Variants in PDE11A observed in about 807,000 individuals in gnomAD.
PDE11A encodes the protein dual 3',5'-cyclic-AMP and -GMP phosphodiesterase 11A.
PDE11A carries 100 observed loss-of-function variants against 100.5 expected under a neutral mutation model. The observed-to-expected ratio is 1.00, with a 90% CI of 0.85 to 1.18. The LOEUF (loss-of-function observed/expected upper bound fraction) is 1.18, where lower values mean the gene tolerates loss of function less well. Ranked by LOEUF, PDE11A falls within the 50% of genes most tolerant of loss-of-function variation. The pLI, the probability that PDE11A is intolerant of heterozygous loss-of-function variation, is 0.00. For missense variants in PDE11A, 1,141 were observed against 1,152.6 expected (o/e 0.99, Z 0.15); for synonymous variants, 381 against 420.8 (o/e 0.91, Z 1.16).
intron 12 of PDE11A, among the ~76,000 whole-genome samples, chr2:177,725,656 C>CCCATT (rs2081589837): frequency 1.3e-5 from 2 of 152,044 alleles, no homozygotes; most frequent in South Asian, 4.2e-4. Context: ...TATGAGCATC[C>CCCATT]CCATTGTGGT....
At chr2:178,097,045 C>T (rs1361288906) in intron 2 of PDE11A, among the ~76,000 whole-genome samples, 1 of 152,120 alleles carries the variant, frequency 6.6e-6, no homozygotes, top group Non-Finnish European at 1.5e-5. Flanking sequence ...TGCCACCACA[C>T]CCGACTAATT....
chr2:177,927,267 T>C (rs2085138038), intron 2 of PDE11A, among the ~76,000 whole-genome samples: 1 of 152,264 alleles, frequency 6.6e-6, no homozygotes, highest in Admixed American at 6.5e-5. Context: ...ATATATTCTC[T>C]TTCTTGGTTA....
At chr2:177,931,206 C>T (rs1227588684) in intron 2 of PDE11A, among the ~76,000 whole-genome samples, 1 of 152,042 alleles carries the variant, frequency 6.6e-6, no homozygotes, top group Non-Finnish European at 1.5e-5. Flanking sequence ...CTCCACCTAT[C>T]TCTAATTTTC....
intron 5 of PDE11A, among the ~76,000 whole-genome samples, chr2:177,855,903 AACACACACACAC>A (rs57202805): frequency 0.032 from 4,465 of 139,622 alleles, 92 homozygotes; most frequent in African/African-American, 0.069. Flanking sequence ...GAACGTATGC[AACACACACACAC>A]ACACACACAC....
chr2:177,930,516 G>C (rs1472213771), intron 2 of PDE11A, among the ~76,000 whole-genome samples: 1 of 151,976 alleles, frequency 6.6e-6, no homozygotes, highest in Non-Finnish European at 1.5e-5. Context: ...AGAGTTAAAA[G>C]TAGAATCTGA....
intron 1 of PDE11A, among the ~76,000 whole-genome samples, chr2:178,053,146 C>T (rs999701983): frequency 9.2e-5 from 14 of 152,112 alleles, no homozygotes; most frequent in African/African-American, 2.7e-4. Flanking sequence ...TCCAGCAGCA[C>T]ATCAGAAAGC....
intron 10 of PDE11A, among the ~76,000 whole-genome samples, chr2:177,757,650 C>A (rs2082107911): frequency 6.6e-6 from 1 of 152,160 alleles, no homozygotes; most frequent in Admixed American, 6.5e-5. Context: ...TTCTTACCAG[C>A]CCTTCTCAGA....
At chr2:177,797,016 G>A (rs550105783) in intron 9 of PDE11A, 1 of 152,354 alleles carries the variant, frequency 6.6e-6, no homozygotes, top group East Asian at 1.9e-4. Flanking sequence ...AAAAGAGGAG[G>A]AGGAGGACAA....
At chr2:178,065,450 T>C (rs2087030872) in intron 1 of PDE11A, among the ~76,000 whole-genome samples, 1 of 152,208 alleles carries the variant, frequency 6.6e-6, no homozygotes, top group African/African-American at 2.4e-5. Flanking sequence ...TAACCTTAAA[T>C]TACCTTTACA....
At chr2:178,009,673 C>T (rs2086253490) in intron 2 of PDE11A, among the ~76,000 whole-genome samples, 1 of 152,164 alleles carries the variant, frequency 6.6e-6, no homozygotes, top group Non-Finnish European at 1.5e-5. Context: ...ATATGTATTA[C>T]ATGATGTAGC....
intron 14 of PDE11A, among the ~76,000 whole-genome samples, chr2:177,700,479 G>A (rs140763352): frequency 3.3e-5 from 5 of 150,994 alleles, no homozygotes; most frequent in South Asian, 4.2e-4. Flanking sequence ...CTCAGATGCC[G>A]CAGCCAGACT....
chr2:177,685,235 A>G (rs1205619031), intron 15 of PDE11A, among the ~76,000 whole-genome samples: 1 of 152,224 alleles, frequency 6.6e-6, no homozygotes, highest in Non-Finnish European at 1.5e-5. Flanking sequence ...TTTCACCTAG[A>G]TCCTAATTTT....
chr2:177,912,595 C>T (rs1451728153), intron 2 of PDE11A, among the ~76,000 whole-genome samples: 2 of 152,064 alleles, frequency 1.3e-5, no homozygotes, highest in African/African-American at 4.8e-5. Flanking sequence ...TAATTCCCAC[C>T]CTCTTATTTC....
intron 6 of PDE11A, among the ~76,000 whole-genome samples, chr2:177,822,499 A>T (rs955688815): frequency 6.6e-6 from 1 of 152,052 alleles, no homozygotes; most frequent in African/African-American, 2.4e-5. Context: ...ATACAGTTGT[A>T]TGATAAGGCT....
chr2:177,792,424 A>G (rs940827566), intron 9 of PDE11A, among the ~76,000 whole-genome samples: 45 of 152,314 alleles, frequency 3.0e-4, no homozygotes, highest in African/African-American at 1.0e-3. Flanking sequence ...ATGTTATTAA[A>G]TATTTATATA....
chr2:177,973,176 C>T (rs901373622), intron 2 of PDE11A, among the ~76,000 whole-genome samples: 4 of 147,174 alleles, frequency 2.7e-5, no homozygotes, highest in South Asian at 2.3e-4. Flanking sequence ...TCTGAGGTAC[C>T]GGGTTCATCT....
At chr2:177,706,476 T>C (rs1011484400) in intron 13 of PDE11A, among the ~76,000 whole-genome samples, 10 of 152,138 alleles carry the variant, frequency 6.6e-5, no homozygotes, top group East Asian at 1.9e-4. Context: ...GAAAAGAAGA[T>C]AGGTTTCTTG....
At chr2:178,055,660 AATT>A (rs1214804851) in intron 1 of PDE11A, among the ~76,000 whole-genome samples, 2 of 152,094 alleles carry the variant, frequency 1.3e-5, no homozygotes, top group Non-Finnish European at 2.9e-5. Context: ...TTGTAATAAT[AATT>A]ATTATTATCA....
intron 1 of PDE11A, chr2:178,105,654 C>A: frequency 1.5e-6 from 1 of 646,494 alleles, no homozygotes; most frequent in South Asian, 3.9e-5. Context: ...TCAGGAGGTT[C>A]TCCATGGTGG....
Sources: allele counts gnomAD v4.1 joint callset (sites outside exome capture counted in the v4.1 genomes callset), GRCh38; gene constraint gnomAD v4.1.1; transcripts MANE v1.5; gene names NCBI Gene and HGNC (gene_info 2026-07-23, HGNC 2026-07-21).